The following FOXO1 variants were observed in gnomAD, a reference collection of about 807,000 sequenced individuals.
FOXO1 encodes forkhead box O1.
Under a neutral mutation model 44.1 loss-of-function variants are expected in FOXO1, and 6 were observed. The ratio of observed to expected loss-of-function variants is 0.14; its 90% CI spans 0.07 to 0.27. FOXO1 has a LOEUF of 0.27. Among genes scored for constraint, FOXO1 ranks in the 10% least tolerant of loss-of-function variants. The pLI is 1.00. For synonymous variants in FOXO1, 380 were observed against 362.7 expected, an observed-to-expected ratio of 1.05 and a Z score of -0.54; for missense variants, 737 against 888.8, an observed-to-expected ratio of 0.83 and a Z score of 2.17.
chr13:40,575,469 C>A (rs1019751903), intron 1 of FOXO1, among the ~76,000 whole-genome samples: 20 of 152,134 alleles, frequency 1.3e-4, no homozygotes, highest in African/African-American at 4.6e-4. Flanking sequence ...TCTCAAAGGA[C>A]CCTGTGTCAG....
intron 1 of FOXO1, among the ~76,000 whole-genome samples, chr13:40,586,952 C>T (rs1875190586): frequency 1.3e-5 from 2 of 152,284 alleles, no homozygotes; most frequent in East Asian, 1.9e-4. Flanking sequence ...GATTATACCA[C>T]CACTTAAGAT....
At chr13:40,636,890 G>A (rs1877175739) in intron 1 of FOXO1, among the ~76,000 whole-genome samples, 1 of 152,164 alleles carries the variant, frequency 6.6e-6, no homozygotes, top group African/African-American at 2.4e-5. Flanking sequence ...ATAAACTACT[G>A]TAATTATAAA....
intron 1 of FOXO1, among the ~76,000 whole-genome samples, chr13:40,563,203 C>G (rs1301035672): frequency 6.6e-6 from 1 of 152,204 alleles, no homozygotes; most frequent in East Asian, 1.9e-4. Context: ...ACATGGGACG[C>G]CCGGGCCCGA....
chr13:40,584,905 G>A (rs1875099685), intron 1 of FOXO1, among the ~76,000 whole-genome samples: 1 of 152,122 alleles, frequency 6.6e-6, no homozygotes, highest in Non-Finnish European at 1.5e-5. Flanking sequence ...AGCCAGGTTT[G>A]GGAACACCTG....
intron 1 of FOXO1, among the ~76,000 whole-genome samples, chr13:40,648,760 C>T (rs1247264394): frequency 1.3e-5 from 2 of 152,146 alleles, no homozygotes; most frequent in Admixed American, 1.3e-4. Flanking sequence ...GCCCAAAATA[C>T]TATTAATATA....
At position 40,665,595 on chromosome 13, in the gene FOXO1, C is replaced by T. The variant is rs199900378; in HGVS notation, c.618G>A (p.Ser206=). ...YFKDKGDSNS[S]AGWKNSIRHN... ...CGAGTCCACTCACCTTCCAGCCCGC[C>T]GAGCTGTTGCTGTCACCCTTATCCT... The change falls in exon 1 of 3, where the codon TCG becomes TCA. Residue 206 remains serine, a synonymous_variant. Transcript: ENST00000379561. 7.0e-7 allele frequency: 1 copy of T among 1,431,320 alleles called. No homozygotes were observed. Among genetic ancestry groups the T allele is most frequent in the South Asian group, 1.5e-5 (1 of 66,184 alleles). The allele number at this position is 1,431,320 out of a possible 1,614,324, so 88.7% of individuals were successfully genotyped here. A position where few individuals can be genotyped will look rare whatever the true frequency, so the allele number is the denominator to read the frequency against.
At position 40,585,343 on chromosome 13, in the gene FOXO1, G is replaced by GCAAACACACA. The variant is rs1555248754; in HGVS notation, c.631-24484_631-24483insTGTGTGTTTG. Among the ~76,000 whole-genome samples the GCAAACACACA allele has an allele frequency of 4.1e-5, 6 of 147,130 alleles. No homozygotes were observed. In the East Asian group the frequency reaches 1.2e-3, roughly 30 times the overall value. On this transcript the variant is annotated intron_variant, in intron 1 of 2. Transcript: ENST00000379561. Reference sequence around the variant, plus strand: ...ATGTAAGTATTTCCTCTGCGCGCGCGCACACACACACACACACACACACAC... The same window carrying GCAAACACACA: ...ATGTAAGTATTTCCTCTGCGCGCGCGCAAACACACACACACACACACACACACACACACAC...
At chr13:40,650,175 CTT>C (rs1877634240) in intron 1 of FOXO1, among the ~76,000 whole-genome samples, 1 of 152,146 alleles carries the variant, frequency 6.6e-6, no homozygotes, top group Non-Finnish European at 1.5e-5. Context: ...AACTTCCTGA[CTT>C]TGCCACAGCA....
chr13:40,629,774 C>T (rs1002344004), intron 1 of FOXO1, among the ~76,000 whole-genome samples: 1 of 152,164 alleles, frequency 6.6e-6, no homozygotes. Flanking sequence ...GCTTCACATG[C>T]TCAGTGGGTT....
Position 40,666,321 on chromosome 13 carries a change from C to A in FOXO1, c.-109G>T. ...AGGGACGGTCCGAGATTTGGGGGAA[C>A]GAAGCCGGTGCGGCGAGCGGACGGA... On this transcript the variant is annotated 5_prime_UTR_variant, in exon 1 of 3. Transcript: ENST00000379561. 1 of 896,040 alleles carries A rather than the reference C, an allele frequency of 1.1e-6. No homozygotes were observed. The highest frequency in any genetic ancestry group is 1.5e-6 in the Non-Finnish European group (1 of 659,184). The allele number at this position is 896,040 out of a possible 1,614,324, so 55.5% of individuals were successfully genotyped here.
At chr13:40,602,125 T>C (rs1269804513) in intron 1 of FOXO1, among the ~76,000 whole-genome samples, 2 of 152,242 alleles carry the variant, frequency 1.3e-5, no homozygotes, top group African/African-American at 4.8e-5. Flanking sequence ...AGTAGTTTTT[T>C]ACTAACTACA....
At chr13:40,617,985 G>A (rs938428891) in intron 1 of FOXO1, among the ~76,000 whole-genome samples, 3 of 152,142 alleles carry the variant, frequency 2.0e-5, no homozygotes, top group East Asian at 1.9e-4. Context: ...TGCATTCACC[G>A]GCAAAACAGA....
intron 1 of FOXO1, among the ~76,000 whole-genome samples, chr13:40,597,288 T>C (rs1435142272): frequency 6.6e-6 from 1 of 152,242 alleles, no homozygotes; most frequent in African/African-American, 2.4e-5. Flanking sequence ...CAAAGGCTAT[T>C]GGAGTTTGTT....
intron 1 of FOXO1, among the ~76,000 whole-genome samples, chr13:40,593,409 T>C (rs1305417927): frequency 1.3e-5 from 2 of 152,198 alleles, no homozygotes; most frequent in East Asian, 1.9e-4. Context: ...ATCCTGCCAC[T>C]GGAAAACAGT....
At chr13:40,649,590 T>C (rs1263813966) in intron 1 of FOXO1, among the ~76,000 whole-genome samples, 1 of 152,244 alleles carries the variant, frequency 6.6e-6, no homozygotes, top group East Asian at 1.9e-4. Context: ...TCCTCCTATA[T>C]GTTCAGCATT....
intron 1 of FOXO1, among the ~76,000 whole-genome samples, chr13:40,578,388 G>A (rs1370897622): frequency 6.6e-6 from 1 of 152,106 alleles, no homozygotes; most frequent in Non-Finnish European, 1.5e-5. Flanking sequence ...TTCCTACTCG[G>A]TATGAAATCC....
intron 1 of FOXO1, among the ~76,000 whole-genome samples, chr13:40,561,711 A>G (rs900005359): frequency 3.6e-4 from 55 of 152,274 alleles, no homozygotes; most frequent in African/African-American, 1.3e-3. Flanking sequence ...GTTCACACCT[A>G]TAATCCCAGC....
chr13:40,666,330 T>G lies in FOXO1; in HGVS notation c.-118A>C, dbSNP rs1878255709. 1 of 813,318 alleles carries G rather than the reference T, an allele frequency of 1.2e-6. No homozygotes were observed. The highest frequency in any genetic ancestry group is 2.9e-5 in the South Asian group (1 of 34,960). 50.4% of individuals were successfully genotyped at this position (813,318 alleles called of 1,614,324 possible). A position where few individuals can be genotyped will look rare whatever the true frequency, so the allele number is the denominator to read the frequency against. ...CCGAGATTTGGGGGAACGAAGCCGG[T>G]GCGGCGAGCGGACGGAAACTGGGAG... On this transcript the variant is annotated 5_prime_UTR_variant, in exon 1 of 3. Transcript: ENST00000379561.
chr13:40,566,864 G>C (rs534859392), intron 1 of FOXO1, among the ~76,000 whole-genome samples: 280 of 152,166 alleles, frequency 1.8e-3, no homozygotes, highest in African/African-American at 6.5e-3. Context: ...GAGCCTGAAG[G>C]CCCAATAAAG....
Sources: allele counts gnomAD v4.1 joint callset (sites outside exome capture counted in the v4.1 genomes callset), GRCh38; gene constraint gnomAD v4.1.1; transcripts MANE v1.5; gene names NCBI Gene and HGNC (gene_info 2026-07-23, HGNC 2026-07-21).